PIEZO1: variants seen among roughly 807,000 people sequenced by gnomAD.
The protein encoded by PIEZO1 is piezo type mechanosensitive ion channel component 1 (Er blood group).
Under a neutral mutation model 297.2 loss-of-function variants are expected in PIEZO1, and 296 were observed. The observed-to-expected ratio is 1.00, with a 90% confidence interval of 0.91 to 1.10. PIEZO1 has a LOEUF of 1.10. Ranked by LOEUF, PIEZO1 falls within the 50% of genes least tolerant of loss-of-function variation. PIEZO1 has a pLI of 0.00. For synonymous variants in PIEZO1, 2,427 were observed against 1,507.5 expected (o/e 1.61, Z -14.13); for missense variants, 5,018 against 3,455.5 (o/e 1.45, Z -11.34).
chr16:88,728,477 G>A (rs1310539445), intron 22 of PIEZO1, among the ~76,000 whole-genome samples: 2 of 146,928 alleles, frequency 1.4e-5, no homozygotes, highest in South Asian at 2.2e-4. Flanking sequence ...CAAAAGCAAA[G>A]TGACCCTCGA....
chr16:88,775,752 A>G (rs1014985646), intron 1 of PIEZO1, among the ~76,000 whole-genome samples: 3 of 151,564 alleles, frequency 2.0e-5, no homozygotes, highest in Non-Finnish European at 2.9e-5. Flanking sequence ...AAAGAAAAGA[A>G]AAAAGACATG....
At chr16:88,780,820 G>C (rs116496801) in intron 1 of PIEZO1, among the ~76,000 whole-genome samples, 8,230 of 152,210 alleles carry the variant, frequency 0.054, 742 homozygotes, top group African/African-American at 0.19. Flanking sequence ...AATTAGGTAT[G>C]GTGCTACACA....
chr16:88,719,891 G>C lies in PIEZO1; in HGVS notation c.6234C>G (p.Ala2078=). 1.9e-6 allele frequency: 3 copies of C among 1,550,480 alleles called. No individual in the cohort carries two copies. Among genetic ancestry groups the C allele is most frequent in the African/African-American group, 1.4e-5 (1 of 73,164 alleles). ...TGGGGTAGCCGCAGCGGATCTGGTA[G>C]GCGGACAGGGCGAAGTAGATGCACT... is the stretch of plus-strand genomic sequence containing the variant. ...FVKCIYFALS[A]YQIRCGYPTR... The change falls in exon 43 of 51, where the codon GCC becomes GCG. Residue 2078 remains alanine, a synonymous_variant. Coordinates refer to ENST00000301015, the MANE Select transcript of PIEZO1 (RefSeq NM_001142864.4).
chr16:88,717,346 G>A (rs1174557599), intron 44 of PIEZO1, 135 bp from the exon 45 acceptor site: 4 of 716,496 alleles, frequency 5.6e-6, no homozygotes, highest in Admixed American at 2.1e-5. Flanking sequence ...AGTAATGGTG[G>A]GCAGACACAG....
chr16:88,725,189 C>G, intron 29 of PIEZO1, 109 bp from the exon 30 acceptor site: 2 of 802,420 alleles, frequency 2.5e-6, no homozygotes, highest in East Asian at 3.0e-5. Context: ...GACACGGACA[C>G]CCACAGTGAC....
chr16:88,735,295 TC>T, intron 12 of PIEZO1, 49 bp from the exon 13 acceptor site: 1 of 1,335,906 alleles, frequency 7.5e-7, no homozygotes, highest in Non-Finnish European at 1.0e-6. Context: ...CCAGCACCCC[TC>T]CCACAGCCGG....
At chr16:88,736,054 T>A in intron 12 of PIEZO1, 94 bp downstream of exon 12, 2 of 1,278,944 alleles carry the variant, frequency 1.6e-6, no homozygotes, top group East Asian at 2.6e-5. Flanking sequence ...TTCTTGGCGC[T>A]GCCACTCCCC....
In PIEZO1 at chr16:88,732,408, T is replaced by C. The variant is rs1377102627; in HGVS notation, c.2918A>G (p.Gln973Arg). The C allele has an allele frequency of 1.3e-6, 2 of 1,549,660 alleles. No individual in the cohort carries two copies. The highest frequency in any genetic ancestry group is 1.7e-6 in the Non-Finnish European group (2 of 1,146,550). The change falls in exon 21 of 51, where the codon CAG becomes CGG. Residue 973 changes from glutamine (Q) to arginine (R), a missense_variant. Transcript: ENST00000301015. Reference protein sequence around the residue: ...AQAVFASGTRQQLDQDLLGCL... With the variant: ...AQAVFASGTRRQLDQDLLGCL... ...GCCGAGCAGATCCTGGTCCAGCTGC[T>C]GGCGGGTGCCGCTGGCAAACACGGC... is the stretch of plus-strand genomic sequence containing the variant.
chr16:88,719,075 T>C (rs1257798411), intron 44 of PIEZO1: 1 of 158,166 alleles, frequency 6.3e-6, no homozygotes, highest in African/African-American at 2.4e-5. Flanking sequence ...CTTGAACTCC[T>C]GGCCTTGAGC....
In PIEZO1 at chr16:88,733,630, G is replaced by A; in HGVS notation, c.2445C>T (p.Phe815=). The part of the protein sequence containing the change: ...FLRRLLELHV[F]KLVALYTVWV... Reference sequence around the variant, plus strand: ...AGACGGTGTACAGGGCCACCAGCTTGAAAACGTGAAGCTCCAGCAGCCGCC... The same window carrying A: ...AGACGGTGTACAGGGCCACCAGCTTAAAAACGTGAAGCTCCAGCAGCCGCC... Residue 815 remains phenylalanine, a synonymous_variant, in exon 18 of 51, where the codon TTC becomes TTT. Transcript: ENST00000301015. 1 of 1,549,592 alleles carries A rather than the reference G, an allele frequency of 6.5e-7. No homozygotes were observed. The highest frequency in any genetic ancestry group is 8.7e-7 in the Non-Finnish European group (1 of 1,146,480).
Position 88,725,047 on chromosome 16 carries a change from C to A in PIEZO1, c.4196G>T (p.Arg1399Leu), listed in dbSNP as rs562828608. The part of the protein sequence containing the change: ...PDSPGGSSPP[R>L]RQWWRPWLDH... Reference sequence around the variant, plus strand: ...CAGCCAGGGCCGCCACCACTGCCTCCGTGGCGGGGAGGAGCCCCCTGGACT... The same window carrying A: ...CAGCCAGGGCCGCCACCACTGCCTCAGTGGCGGGGAGGAGCCCCCTGGACT... Residue 1399 changes from arginine (R) to leucine (L), a missense_variant, in exon 30 of 51, where the codon CGG (arginine) becomes CTG (leucine). Coordinates refer to ENST00000301015, the MANE Select transcript of PIEZO1 (RefSeq NM_001142864.4). 2.0e-6 allele frequency: 3 copies of A among 1,500,276 alleles called. No homozygotes were observed. The highest frequency in any genetic ancestry group is 2.7e-6 in the Non-Finnish European group (3 of 1,127,370). The allele number at this position is 1,500,276 out of a possible 1,614,324, so 92.9% of individuals were successfully genotyped here. A position where few individuals can be genotyped will look rare whatever the true frequency, so the allele number is the denominator to read the frequency against.
chr16:88,732,518 C>T lies in PIEZO1; in HGVS notation c.2808G>A (p.Leu936=), dbSNP rs1358638502. The change falls in exon 21 of 51, where the codon CTG becomes CTA. Residue 936 remains leucine, a synonymous_variant. Transcript: ENST00000301015. ...LGYIQNHLQV[L]LLLVFEAIVY... ...CGATGGCCTCGAATACCAGCAGCAG[C>T]AGCACTTGCAGGTGGTTCTGCGGAG... 2 of 1,547,206 alleles carry T rather than the reference C, an allele frequency of 1.3e-6. No individual in the cohort carries two copies. Among genetic ancestry groups the T allele is most frequent in the Non-Finnish European group, 1.7e-6 (2 of 1,144,524 alleles).
At position 88,722,620 on chromosome 16, in the gene PIEZO1, GGCCTGGCA is replaced by G; in HGVS notation, c.4730_4737del (p.Leu1577ProfsTer43). ...CTTGGGGCATTGGGGGCCTCGGTGGGGCCTGGCAGCGTGGCCTCGGCCTGGCTTGTGTA... is the reference window on the plus strand; with the variant it reads ...CTTGGGGCATTGGGGGCCTCGGTGGGGCGTGGCCTCGGCCTGGCTTGTGTA... On this transcript the variant is annotated frameshift_variant, in exon 35 of 51. Coordinates refer to ENST00000301015, the MANE Select transcript of PIEZO1 (RefSeq NM_001142864.4). LOFTEE classifies it high-confidence loss of function. The G allele has an allele frequency of 6.5e-7, 1 of 1,538,422 alleles. No homozygotes were observed. Among genetic ancestry groups the G allele is most frequent in the Non-Finnish European group, 8.7e-7 (1 of 1,145,818 alleles).
intron 23 of PIEZO1, 148 bp from the exon 24 acceptor site, chr16:88,727,340 C>T (rs998638550): frequency 7.4e-6 from 7 of 946,786 alleles, no homozygotes; most frequent in South Asian, 1.7e-5. Flanking sequence ...CCGGGTGTCC[C>T]TGGGGGAGCC....
At chr16:88,769,303 T>C (rs1392269007) in intron 1 of PIEZO1, among the ~76,000 whole-genome samples, 1 of 152,168 alleles carries the variant, frequency 6.6e-6, no homozygotes, top group Non-Finnish European at 1.5e-5. Flanking sequence ...CCTCCCACCA[T>C]GGCCTCCCAA....
chr16:88,753,328 A>T, intron 1 of PIEZO1, among the ~76,000 whole-genome samples: 1 of 94,184 alleles, frequency 1.1e-5, no homozygotes, highest in East Asian at 3.3e-4. Context: ...CCCCCGGAGC[A>T]CACCTGCCAC....
In PIEZO1 at chr16:88,720,409, G is replaced by T; in HGVS notation, c.5925C>A (p.Ile1975=). The stretch of plus-strand genomic sequence containing the variant: ...CCCCAAAGGCCCAGAAGCCAAAAAT[G>T]ATGATGATGAAGTCGACAACATCAG... ...FLADVVDFII[I]IFGFWAFGKH... Residue 1975 remains isoleucine, a synonymous_variant, in exon 41 of 51, where the codon ATC becomes ATA. Coordinates refer to ENST00000301015, the MANE Select transcript of PIEZO1 (RefSeq NM_001142864.4). 6.4e-7 allele frequency: 1 copy of T among 1,550,434 alleles called. No individual in the cohort carries two copies. The highest frequency in any genetic ancestry group is 2.4e-5 in the East Asian group (1 of 40,920).
At chr16:88,754,461 G>A (rs1015520571) in intron 1 of PIEZO1, among the ~76,000 whole-genome samples, 1 of 152,182 alleles carries the variant, frequency 6.6e-6, no homozygotes, top group Non-Finnish European at 1.5e-5. Context: ...CCAGTTCCTG[G>A]GATGAGACCC....
chr16:88,747,310 G>A (rs1206483415), intron 2 of PIEZO1, among the ~76,000 whole-genome samples: 1 of 151,792 alleles, frequency 6.6e-6, no homozygotes, highest in Non-Finnish European at 1.5e-5. Context: ...GAGGTCAGGA[G>A]TTCAAGACCA....
Sources: allele counts gnomAD v4.1 joint callset (sites outside exome capture counted in the v4.1 genomes callset), GRCh38; gene constraint gnomAD v4.1.1; transcripts MANE v1.5; gene names NCBI Gene and HGNC (gene_info 2026-07-23, HGNC 2026-07-21).